Variants in SLAMF6 observed in about 807,000 individuals in gnomAD.
The protein encoded by SLAMF6 is SLAM family member 6.
A neutral mutation model predicts 38.3 loss-of-function variants in SLAMF6; 21 were observed. The observed-to-expected ratio is 0.55, with a 90% confidence interval of 0.39 to 0.79. The LOEUF (loss-of-function observed/expected upper bound fraction) is 0.79, where lower values mean the gene tolerates loss of function less well. Among genes scored for constraint, SLAMF6 ranks in the 30% least tolerant of loss-of-function variants. SLAMF6 has a pLI of 0.00. For missense variants in SLAMF6, 341 were observed against 385.3 expected (o/e 0.89, Z 0.96); for synonymous variants, 152 against 146.3 (o/e 1.04, Z -0.28).
chr1:160,495,976 A>G lies in SLAMF6; in HGVS notation c.382+85T>C, dbSNP rs1653554167. On this transcript the variant is annotated intron_variant, in intron 2 of 7. Transcript: ENST00000368057. ...ATGCCATATTCTTTACCACTAGGCG[A>G]CAGTGCACATTTGAAGTCACATAGG... 4 of 1,238,244 alleles carry G rather than the reference A, an allele frequency of 3.2e-6. No individual in the cohort carries two copies. In the South Asian group the frequency reaches 4.3e-5, roughly 13 times the overall value. 76.7% of individuals were successfully genotyped at this position (1,238,244 alleles called of 1,614,324 possible). A position where few individuals can be genotyped will look rare whatever the true frequency, so the allele number is the denominator to read the frequency against.
chr1:160,486,693 G>C lies in SLAMF6; in HGVS notation c.*14C>G, dbSNP rs766906612. 1.9e-6 allele frequency: 3 copies of C among 1,613,022 alleles called. No homozygotes were observed. Among genetic ancestry groups the C allele is most frequent in the Non-Finnish European group, 2.5e-6 (3 of 1,179,248 alleles). On this transcript the variant is annotated 3_prime_UTR_variant, in exon 8 of 8. Coordinates refer to ENST00000368057, the MANE Select transcript of SLAMF6 (RefSeq NM_001184714.2). Reference sequence around the variant, plus strand: ...ACGTGTCATTCCCGAATTCCTCTGAGGCCTTTCAGCAACTTACACGACATT... The same window carrying C: ...ACGTGTCATTCCCGAATTCCTCTGACGCCTTTCAGCAACTTACACGACATT...
intron 3 of SLAMF6, among the ~76,000 whole-genome samples, 196 bp downstream of exon 3, chr1:160,490,929 G>A (rs58352442): frequency 1.1e-4 from 16 of 152,262 alleles, no homozygotes; most frequent in African/African-American, 3.6e-4. Context: ...GTTGGACGAG[G>A]GGTTGGGGAA....
chr1:160,505,052 T>C (rs933427061), intron 1 of SLAMF6, among the ~76,000 whole-genome samples: 1 of 152,234 alleles, frequency 6.6e-6, no homozygotes, highest in African/African-American at 2.4e-5. Context: ...TGTTTGTTTA[T>C]TCCTTCTGGT....
intron 2 of SLAMF6, among the ~76,000 whole-genome samples, chr1:160,494,448 AGG>A (rs1440518817): frequency 6.6e-6 from 1 of 152,206 alleles, no homozygotes; most frequent in Non-Finnish European, 1.5e-5. Flanking sequence ...CTGGTCACCC[AGG>A]GTGATTCTGC....
At chr1:160,506,036 C>CAA (rs149717354) in intron 1 of SLAMF6, among the ~76,000 whole-genome samples, 1 of 151,516 alleles carries the variant, frequency 6.6e-6, no homozygotes, top group African/African-American at 2.4e-5. Flanking sequence ...TCAAAAATAC[C>CAA]AAAAAATAAG....
intron 6 of SLAMF6, among the ~76,000 whole-genome samples, chr1:160,487,481 T>C (rs1653026884): frequency 6.6e-6 from 1 of 152,204 alleles, no homozygotes; most frequent in South Asian, 2.1e-4. Context: ...CAGCTCTACT[T>C]TCCTTCCTCC....
At chr1:160,512,206 G>T (rs544788343) in intron 1 of SLAMF6, among the ~76,000 whole-genome samples, 3 of 152,302 alleles carry the variant, frequency 2.0e-5, no homozygotes, top group African/African-American at 7.2e-5. Flanking sequence ...GAACCAGGAG[G>T]AATTCCCCAT....
intron 1 of SLAMF6, among the ~76,000 whole-genome samples, chr1:160,498,535 A>T (rs1653717125): frequency 6.6e-6 from 1 of 152,118 alleles, no homozygotes; most frequent in South Asian, 2.1e-4. Flanking sequence ...CCTTTATAAA[A>T]CCATCAGAAC....
intron 6 of SLAMF6, 105 bp downstream of exon 6, chr1:160,488,980 TCTC>T (rs1345730765): frequency 3.9e-6 from 4 of 1,017,718 alleles, no homozygotes; most frequent in African/African-American, 1.6e-5. Context: ...GTGGCTGTCT[TCTC>T]CTCCCCTCAG....
rs577774006 is a variant in SLAMF6 at position 160,523,173 on chromosome 1, G to T, written c.20C>A (p.Ser7Ter). The change falls in exon 1 of 8, where the codon TCG becomes TAG. Residue 7 changes from serine (S) to a stop codon, truncating the protein, a stop_gained. Coordinates refer to ENST00000368057, the MANE Select transcript of SLAMF6 (RefSeq NM_001184714.2). LOFTEE classifies it high-confidence loss of function. ...GCCAAAGCAGAAGACAAACAGGAGC[G>T]ATTGGAACAGCCACAACATGCTTTC... is the stretch of plus-strand genomic sequence containing the variant. Reference protein sequence around the residue: MLWLFQSLLFVFCFGPG... With the variant: MLWLFQ The T allele has an allele frequency of 6.2e-7, 1 of 1,613,838 alleles. No individual in the cohort carries two copies. Among genetic ancestry groups the T allele is most frequent in the Non-Finnish European group, 8.5e-7 (1 of 1,179,880 alleles).
intron 1 of SLAMF6, among the ~76,000 whole-genome samples, chr1:160,509,524 G>C (rs1021981148): frequency 2.0e-5 from 3 of 152,098 alleles, no homozygotes; most frequent in Non-Finnish European, 2.9e-5. Context: ...AGCTGGGGGA[G>C]GGATAGCATT....
intron 1 of SLAMF6, among the ~76,000 whole-genome samples, chr1:160,498,393 G>T (rs957134931): frequency 6.6e-6 from 1 of 152,166 alleles, no homozygotes; most frequent in African/African-American, 2.4e-5. Flanking sequence ...ATAAAGGAAA[G>T]ATGTTTAATT....
intron 6 of SLAMF6, among the ~76,000 whole-genome samples, chr1:160,487,865 G>A (rs1421305097): frequency 2.6e-5 from 4 of 152,100 alleles, no homozygotes; most frequent in Admixed American, 6.5e-5. Context: ...CGAGGCAGGC[G>A]GATCACTTGA....
rs546500614 is a variant in SLAMF6 at position 160,505,985 on chromosome 1, G to A, written c.50-9592C>T. On this transcript the variant is annotated intron_variant, in intron 1 of 7. Transcript: ENST00000368057. ...TTTGAGGATCAGAAAAGAAAAGAGT[G>A]AAGAAAAATGTACAGTGCTTAAGAG... Among the ~76,000 whole-genome samples the A allele has an allele frequency of 6.6e-5, 10 of 152,102 alleles. No homozygotes were observed. The South Asian group carries it at 8.3e-4, about 13-fold the overall frequency.
At chr1:160,506,516 T>C (rs1369370339) in intron 1 of SLAMF6, among the ~76,000 whole-genome samples, 2 of 152,090 alleles carry the variant, frequency 1.3e-5, no homozygotes, top group Non-Finnish European at 2.9e-5. Flanking sequence ...CTGTAAGAAA[T>C]ACTAAAGGGA....
intron 1 of SLAMF6, among the ~76,000 whole-genome samples, chr1:160,501,673 T>C (rs2102038024): frequency 6.6e-6 from 1 of 151,732 alleles, no homozygotes; most frequent in South Asian, 2.1e-4. Context: ...ACTTAATTAT[T>C]TGTAATTCTT....
intron 1 of SLAMF6, among the ~76,000 whole-genome samples, chr1:160,509,789 G>C (rs577976944): frequency 6.6e-6 from 1 of 152,124 alleles, no homozygotes; most frequent in Non-Finnish European, 1.5e-5. Context: ...AGAAAAACAA[G>C]AGAAATAATC....
intron 1 of SLAMF6, among the ~76,000 whole-genome samples, chr1:160,503,273 T>C (rs1352016291): frequency 6.6e-6 from 1 of 152,058 alleles, no homozygotes; most frequent in Non-Finnish European, 1.5e-5. Flanking sequence ...AGGAATTTGT[T>C]AGGAAACTGA....
At position 160,523,186 on chromosome 1, in the gene SLAMF6, A is replaced by G; in HGVS notation, c.7T>C (p.Trp3Arg). 1 of 1,613,878 alleles carries G rather than the reference A, an allele frequency of 6.2e-7. No homozygotes were observed. The highest frequency in any genetic ancestry group is 8.5e-7 in the Non-Finnish European group (1 of 1,179,874). Residue 3 changes from tryptophan to arginine, a missense_variant, in exon 1 of 8, where the codon TGG (tryptophan) becomes CGG (arginine). Coordinates refer to ENST00000368057, the MANE Select transcript of SLAMF6 (RefSeq NM_001184714.2). ...ACAAACAGGAGCGATTGGAACAGCC[A>G]CAACATGCTTTCCGCGGTGAAGACT... ML[W>R]LFQSLLFVFC... is the part of the protein sequence containing the mutation.
Sources: allele counts gnomAD v4.1 joint callset (sites outside exome capture counted in the v4.1 genomes callset), GRCh38; gene constraint gnomAD v4.1.1; transcripts MANE v1.5; gene names NCBI Gene and HGNC (gene_info 2026-07-23, HGNC 2026-07-21).